EHD2: variants seen among roughly 807,000 people sequenced by gnomAD.
EHD2 encodes EH domain-containing protein 2.
A neutral mutation model predicts 41.0 loss-of-function variants in EHD2; 27 were observed. The ratio of observed to expected loss-of-function variants is 0.66; its 90% CI spans 0.49 to 0.91. The LOEUF is 0.91. Among genes scored for constraint, EHD2 ranks in the 40% least tolerant of loss-of-function variants. The pLI, the probability that EHD2 is intolerant of heterozygous loss-of-function variation, is 0.00. For missense variants in EHD2, 673 were observed against 773.9 expected, an observed-to-expected ratio of 0.87 and a Z score of 1.55; for synonymous variants, 342 against 341.0, an observed-to-expected ratio of 1.00 and a Z score of -0.03.
chr19:47,732,437 G>T (rs1966882868), intron 4 of EHD2, among the ~76,000 whole-genome samples: 1 of 151,140 alleles, frequency 6.6e-6, no homozygotes, highest in Admixed American at 6.6e-5. Flanking sequence ...CATTTTTTTA[G>T]AGACAAAGGC....
chr19:47,734,048 A>G (rs1475983649), intron 4 of EHD2, among the ~76,000 whole-genome samples: 3 of 152,198 alleles, frequency 2.0e-5, no homozygotes, highest in Non-Finnish European at 2.9e-5. Context: ...CCACTGCTGC[A>G]TGGAGCAAGG....
intron 5 of EHD2, among the ~76,000 whole-genome samples, chr19:47,737,629 C>A (rs1290007473): frequency 2.6e-5 from 4 of 151,750 alleles, no homozygotes; most frequent in Non-Finnish European, 5.9e-5. Flanking sequence ...TGCAATCCAG[C>A]CTGTGTGACC....
At position 47,725,991 on chromosome 19, in the gene EHD2, C is replaced by T; in HGVS notation, c.682C>T (p.Gln228Ter). ...LNKADMVETQQLMRVYGALMW... is the reference protein window; with the variant it reads ...LNKADMVETQ ...CAAGGCCGACATGGTGGAGACGCAG[C>T]AGCTGATGCGCGTCTACGGCGCGCT... is the stretch of plus-strand genomic sequence containing the variant. The change falls in exon 4 of 6, where the codon CAG (glutamine) becomes TAG (stop). Residue 228 changes from glutamine (Q) to a stop codon, truncating the protein, a stop_gained. Transcript: ENST00000263277. LOFTEE classifies it high-confidence loss of function. 1 of 1,611,034 alleles carries T rather than the reference C, an allele frequency of 6.2e-7. No homozygotes were observed. The highest frequency in any genetic ancestry group is 8.5e-7 in the Non-Finnish European group (1 of 1,177,920).
At chr19:47,731,280 A>AAAAATATATATATG (rs1491458646) in intron 4 of EHD2, 1 of 54,730 alleles carries the variant, frequency 1.8e-5, no homozygotes, top group African/African-American at 6.5e-5. Context: ...AAAAAAAAAA[A>AAAAATATATATATG]TATATATATA....
At chr19:47,724,036 C>T (rs1182245132) in intron 3 of EHD2, among the ~76,000 whole-genome samples, 2 of 150,482 alleles carry the variant, frequency 1.3e-5, no homozygotes, top group Non-Finnish European at 3.0e-5. Context: ...ATTTTAAGCT[C>T]TTTATATATA....
At chr19:47,737,387 T>C (rs1366598270) in intron 5 of EHD2, among the ~76,000 whole-genome samples, 1 of 151,982 alleles carries the variant, frequency 6.6e-6, no homozygotes, top group Non-Finnish European at 1.5e-5. Context: ...CTGGGTGCAG[T>C]GGCTCATGCC....
rs112872532 is a variant in EHD2 at position 47,740,762 on chromosome 19, T to TA, written c.1081-112dup. The TA allele has an allele frequency of 9.6e-5, 107 of 1,118,526 alleles. 1 individual carries two copies. The highest frequency in any genetic ancestry group is 2.6e-4 in the Middle Eastern group (1 of 3,818). The allele number at this position is 1,118,526 out of a possible 1,614,324, so 69.3% of individuals were successfully genotyped here. A position where few individuals can be genotyped will look rare whatever the true frequency, so the allele number is the denominator to read the frequency against. ...GACTCTGTCTCAAAACAAACAACAGTAAAAAAACCCCACAACAGCTACCCC... is the reference window on the plus strand; with the variant it reads ...GACTCTGTCTCAAAACAAACAACAGTAAAAAAAACCCCACAACAGCTACCCC... On this transcript the variant is annotated intron_variant, in intron 5 of 5. Transcript: ENST00000263277.
chr19:47,741,262 C>A lies in EHD2; in HGVS notation c.1462C>A (p.Arg488Ser), dbSNP rs754640693. The A allele has an allele frequency of 1.9e-6, 3 of 1,614,130 alleles. No homozygotes were observed. Among genetic ancestry groups the A allele is most frequent in the Non-Finnish European group, 2.5e-6 (3 of 1,180,004 alleles). The change falls in exon 6 of 6, where the codon CGC becomes AGC. Residue 488 changes from arginine to serine, a missense_variant. Arg to Ser is a moderately radical substitution (Grantham distance 110). Coordinates refer to ENST00000263277, the MANE Select transcript of EHD2 (RefSeq NM_014601.4). The surrounding 1 kb of genome is among the most constrained non-coding windows in gnomAD (Gnocchi z 4.5). ...CAAGCTCCCCAACTCAGTGCTGGGG[C>A]GCATCTGGAAGCTCAGCGATGTGGA... The part of the protein sequence containing the change: ...GTKLPNSVLG[R>S]IWKLSDVDRD...
intron 4 of EHD2, among the ~76,000 whole-genome samples, chr19:47,733,821 C>T (rs1404157456): frequency 7.3e-6 from 1 of 137,914 alleles, no homozygotes; most frequent in Non-Finnish European, 1.5e-5. Context: ...AAGCAAAAAG[C>T]GAATAACGTC....
At chr19:47,736,335 C>T in intron 4 of EHD2, 34 bp from the exon 5 acceptor site, 3 of 1,578,090 alleles carry the variant, frequency 1.9e-6, no homozygotes, top group Non-Finnish European at 2.6e-6. Flanking sequence ...CTGGTGGACC[C>T]TGATGCAGGC....
chr19:47,728,516 T>A (rs1171081607), intron 4 of EHD2, among the ~76,000 whole-genome samples: 1 of 151,860 alleles, frequency 6.6e-6, no homozygotes, highest in Non-Finnish European at 1.5e-5. Flanking sequence ...CCTTTCTCTC[T>A]TTCTCTGTTT....
At chr19:47,721,324 T>A (rs113130246) in intron 3 of EHD2, among the ~76,000 whole-genome samples, 13,547 of 152,096 alleles carry the variant, frequency 0.089, 1,605 homozygotes, top group African/African-American at 0.27. Context: ...ATGCTACTTT[T>A]TTTTTTTTGA....
At chr19:47,721,245 C>T (rs937858259) in intron 3 of EHD2, among the ~76,000 whole-genome samples, 2 of 151,932 alleles carry the variant, frequency 1.3e-5, no homozygotes, top group African/African-American at 4.8e-5. Context: ...TGTGTGAACA[C>T]ACGCATGTGT....
rs1167192532 is a variant in EHD2, at chr19:47,725,791, GTC to G, written c.503-16_503-15del. ...TCTGATTTCTGCCCCTTGCGCCCCT[GTC>G]TCTCCACTCCCACTCCAGGCTACGA... is the stretch of plus-strand genomic sequence containing the variant. On this transcript the variant is annotated intron_variant, in intron 3 of 5. Coordinates refer to ENST00000263277, the MANE Select transcript of EHD2 (RefSeq NM_014601.4). 9 of 1,558,870 alleles carry G rather than the reference GTC, an allele frequency of 5.8e-6. No individual in the cohort carries two copies. The Admixed American group carries it at 1.6e-4, about 28-fold the overall frequency.
rs760046217 is a variant in EHD2, at chr19:47,736,353, A to C, written c.916-16A>C. 15 of 1,605,898 alleles carry C rather than the reference A, an allele frequency of 9.3e-6. No homozygotes were observed. Among genetic ancestry groups the C allele is most frequent in the Admixed American group, 3.4e-5 (2 of 58,612 alleles). On this transcript the variant is annotated splice_polypyrimidine_tract_variant and intron_variant, in intron 4 of 5. Coordinates refer to ENST00000263277, the MANE Select transcript of EHD2 (RefSeq NM_014601.4). ...GTGGACCCTGATGCAGGCTGAGGTG[A>C]GAACCCTTCCCACAGGTTCACGCTT...
Position 47,740,975 on chromosome 19 carries a change from A to G in EHD2, c.1175A>G (p.Lys392Arg). Residue 392 changes from lysine (K) to arginine (R), a missense_variant, in exon 6 of 6, where the codon AAG becomes AGG. By Grantham distance (26) the Lys-to-Arg change is conservative (BLOSUM62 2). Transcript: ENST00000263277. ...GAGATGCTGACGCACGACATCGCCA[A>G]GCTCATGCCCCTGCTGCGGCAGGAG... ...LDEMLTHDIA[K>R]LMPLLRQEEL... The G allele has an allele frequency of 6.2e-7, 1 of 1,612,386 alleles. No individual in the cohort carries two copies. Among genetic ancestry groups the G allele is most frequent in the Non-Finnish European group, 8.5e-7 (1 of 1,179,962 alleles).
intron 4 of EHD2, among the ~76,000 whole-genome samples, chr19:47,732,728 C>T (rs1966884362): frequency 6.6e-6 from 1 of 152,100 alleles, no homozygotes; most frequent in African/African-American, 2.4e-5. Context: ...TGTGAGCTTC[C>T]TATAAAATAT....
At chr19:47,718,091 G>A (rs1482385642) in intron 2 of EHD2, among the ~76,000 whole-genome samples, 2 of 150,692 alleles carry the variant, frequency 1.3e-5, no homozygotes, top group Non-Finnish European at 3.0e-5. Flanking sequence ...TGGCCAACAT[G>A]GTGAAACCCC....
intron 3 of EHD2, among the ~76,000 whole-genome samples, chr19:47,721,164 GGT>G (rs60140753): frequency 0.027 from 1,536 of 56,726 alleles, 13 homozygotes; most frequent in Non-Finnish European, 0.038. Flanking sequence ...TGCTACTGGG[GGT>G]GTGTGTGTGT....
Sources: allele counts gnomAD v4.1 joint callset (sites outside exome capture counted in the v4.1 genomes callset), GRCh38; gene constraint gnomAD v4.1.1; non-coding constraint Gnocchi (gnomAD v3.1); transcripts MANE v1.5; gene names NCBI Gene and HGNC (gene_info 2026-07-23, HGNC 2026-07-21).